STARD13: variants seen among roughly 807,000 people sequenced by gnomAD.
STARD13 encodes StAR related lipid transfer domain containing 13.
Under a neutral mutation model 106.4 loss-of-function variants are expected in STARD13, and 62 were observed. The observed-to-expected ratio is 0.58, with a 90% CI of 0.48 to 0.72. The LOEUF is 0.72. Among genes scored for constraint, STARD13 ranks in the 30% least tolerant of loss-of-function variants. The pLI, the probability that STARD13 is intolerant of heterozygous loss-of-function variation, is 0.00. For synonymous variants in STARD13, 565 were observed against 553.0 expected (o/e 1.02, Z -0.31); for missense variants, 1,387 against 1,424.0 (o/e 0.97, Z 0.42).
chr13:33,240,798 C>G (rs1297815111), intron 1 of STARD13, among the ~76,000 whole-genome samples: 1 of 150,672 alleles, frequency 6.6e-6, no homozygotes, highest in Non-Finnish European at 1.5e-5. Flanking sequence ...TAAGTTTATC[C>G]TTAAGTATCC....
chr13:33,667,212 G>C, the STARD13 span, among the ~76,000 whole-genome samples: 1 of 152,224 alleles, frequency 6.6e-6, no homozygotes, highest in Non-Finnish European at 1.5e-5. Context: ...CGATGATATG[G>C]AAAGGAGAGT....
the STARD13 span, among the ~76,000 whole-genome samples, chr13:33,456,769 G>T: frequency 6.6e-6 from 1 of 152,146 alleles, no homozygotes; most frequent in South Asian, 2.1e-4. Context: ...CAGGGACAAG[G>T]TGCCATCTAT....
At chr13:33,542,071 G>A in the STARD13 span, among the ~76,000 whole-genome samples, 9 of 152,010 alleles carry the variant, frequency 5.9e-5, no homozygotes, top group Admixed American at 3.9e-4. Context: ...CTCCTTAAGA[G>A]AATCGCTTGC....
intron 1 of STARD13, among the ~76,000 whole-genome samples, chr13:33,257,398 T>G (rs1453789040): frequency 6.6e-6 from 1 of 152,220 alleles, no homozygotes; most frequent in Non-Finnish European, 1.5e-5. Context: ...TTTTCTCATT[T>G]GATCCCACAT....
At chr13:33,620,904 GA>G in the STARD13 span, among the ~76,000 whole-genome samples, 1 of 151,438 alleles carries the variant, frequency 6.6e-6, no homozygotes, top group African/African-American at 2.4e-5. Flanking sequence ...AATCCAAAAG[GA>G]AATATTAGAA....
intron 1 of STARD13, among the ~76,000 whole-genome samples, chr13:33,308,520 C>CTTTTTTTTTTTTTCT (rs1893004051): frequency 1.1e-5 from 1 of 88,554 alleles, no homozygotes; most frequent in Non-Finnish European, 2.1e-5. Context: ...CTTTTTCTTT[C>CTTTTTTTTTTTTTCT]TTTTTTTTTT....
the STARD13 span, among the ~76,000 whole-genome samples, chr13:33,535,091 T>C: frequency 6.6e-6 from 1 of 152,094 alleles, no homozygotes; most frequent in Non-Finnish European, 1.5e-5. Flanking sequence ...TGTGCATGCC[T>C]GTAATCTCAG....
chr13:33,524,893 T>C, the STARD13 span, among the ~76,000 whole-genome samples: 3 of 152,144 alleles, frequency 2.0e-5, no homozygotes, highest in East Asian at 5.8e-4. Flanking sequence ...AATTTTCAAG[T>C]ATGCAGTATA....
At chr13:33,257,241 A>G (rs972065853) in intron 1 of STARD13, among the ~76,000 whole-genome samples, 2 of 152,204 alleles carry the variant, frequency 1.3e-5, no homozygotes, top group Admixed American at 1.3e-4. Context: ...AATGGGAACT[A>G]AATCTTGGGA....
chr13:33,521,629 A>G, the STARD13 span, among the ~76,000 whole-genome samples: 4 of 152,146 alleles, frequency 2.6e-5, no homozygotes, highest in South Asian at 8.3e-4. Flanking sequence ...TGTTCAGAGG[A>G]TAAGTAGATG....
At chr13:33,548,170 A>G in the STARD13 span, among the ~76,000 whole-genome samples, 1 of 152,210 alleles carries the variant, frequency 6.6e-6, no homozygotes, top group Admixed American at 6.5e-5. Flanking sequence ...AACAACTCCA[A>G]TGCTAGGCAG....
Position 33,117,992 on chromosome 13 carries a change from A to C in STARD13, c.2281+73T>G. ...TGTATTATTCGTATAATTAAAACTC[A>C]ATCTATAGGGAATTATTTTCATTAA... On this transcript the variant is annotated intron_variant, in intron 8 of 13. Coordinates refer to ENST00000336934, the MANE Select transcript of STARD13 (RefSeq NM_178006.4). 1.9e-6 allele frequency: 3 copies of C among 1,595,788 alleles called. No homozygotes were observed. The South Asian group carries it at 3.4e-5, about 18-fold the overall frequency.
chr13:33,370,976 TTC>T, the STARD13 span, among the ~76,000 whole-genome samples: 2 of 152,198 alleles, frequency 1.3e-5, no homozygotes, highest in Non-Finnish European at 2.9e-5. Context: ...AATAGTTAGT[TTC>T]GTCTAAAAAT....
In STARD13 at chr13:33,113,529, A is replaced by G. The variant is rs764918177; in HGVS notation, c.2282-598T>C. On this transcript the variant is annotated intron_variant, in intron 8 of 13. Coordinates refer to ENST00000336934, the MANE Select transcript of STARD13 (RefSeq NM_178006.4). The stretch of plus-strand genomic sequence containing the variant: ...CTAGAGGGCCAGCTTCTCGAGGGGA[A>G]GCCTGTACATCTTCCTTTTTCCTAC... 6 of 514,628 alleles carry G rather than the reference A, an allele frequency of 1.2e-5. No individual in the cohort carries two copies. In the East Asian group the frequency reaches 2.7e-4, roughly 23 times the overall value. 31.9% of individuals were successfully genotyped at this position (514,628 alleles called of 1,614,324 possible).
the STARD13 span, among the ~76,000 whole-genome samples, chr13:33,640,237 C>T: frequency 5.3e-5 from 8 of 152,274 alleles, no homozygotes; most frequent in African/African-American, 1.2e-4. Flanking sequence ...GCAAGCTGCC[C>T]GTATCTGCAA....
the STARD13 span, among the ~76,000 whole-genome samples, chr13:33,474,897 C>A: frequency 1.6e-3 from 242 of 152,200 alleles, no homozygotes; most frequent in African/African-American, 5.4e-3. Context: ...AGGTAAACAT[C>A]TAATATTTAT....
chr13:33,185,378 G>A (rs1384444170), intron 1 of STARD13, among the ~76,000 whole-genome samples: 3 of 152,286 alleles, frequency 2.0e-5, no homozygotes, highest in Non-Finnish European at 2.9e-5. Context: ...GGCAATTTAT[G>A]CATTTTTTTA....
chr13:33,549,588 G>C, the STARD13 span, among the ~76,000 whole-genome samples: 2 of 152,010 alleles, frequency 1.3e-5, no homozygotes, highest in Non-Finnish European at 2.9e-5. Context: ...CTTTTTCTAC[G>C]GTGTTAACAT....
the STARD13 span, among the ~76,000 whole-genome samples, chr13:33,665,464 T>C: frequency 6.6e-6 from 1 of 152,246 alleles, no homozygotes; most frequent in Non-Finnish European, 1.5e-5. Flanking sequence ...CTTGTACCTT[T>C]AATTAAGAAA....
Sources: gnomAD v4.1 joint callset for allele counts (sites outside exome capture counted in the v4.1 genomes callset) on GRCh38, gnomAD v4.1.1 for gene constraint, MANE v1.5 for transcripts, NCBI Gene and HGNC (gene_info 2026-07-23, HGNC 2026-07-21) for gene names.